The following SNX3 variants were observed in gnomAD, a reference collection of about 807,000 sequenced individuals.
The protein encoded by SNX3 is sorting nexin-3.
Under a neutral mutation model 17.7 loss-of-function variants are expected in SNX3, and 5 were observed. The observed-to-expected ratio is 0.28, with a 90% CI of 0.15 to 0.59. SNX3 has a LOEUF of 0.59. Ranked by LOEUF, SNX3 falls within the 20% of genes least tolerant of loss-of-function variation. SNX3 has a pLI of 0.88. For synonymous variants in SNX3, 91 were observed against 76.5 expected (o/e 1.19, Z -0.99); for missense variants, 132 against 206.8 (o/e 0.64, Z 2.22).
At chr6:108,226,156 C>T (rs1053779506) in intron 1 of SNX3, among the ~76,000 whole-genome samples, 12 of 151,642 alleles carry the variant, frequency 7.9e-5, no homozygotes, top group African/African-American at 2.9e-4. Context: ...GAGGCATGAT[C>T]ATGGCAGGGT....
At chr6:108,260,674 G>T in intron 1 of SNX3, 86 bp downstream of exon 1, 1 of 1,503,234 alleles carries the variant, frequency 6.7e-7, no homozygotes, top group Non-Finnish European at 9.2e-7. Context: ...GGCTGTGGCT[G>T]CCCGCGGGGG....
intron 1 of SNX3, among the ~76,000 whole-genome samples, chr6:108,249,348 G>C (rs1199828001): frequency 6.6e-6 from 1 of 152,150 alleles, no homozygotes; most frequent in Non-Finnish European, 1.5e-5. Flanking sequence ...CTTGAACCTG[G>C]GAAGTGGAGG....
chr6:108,227,659 G>C lies in SNX3; in HGVS notation c.163-4614C>G, dbSNP rs971704900. Among the ~76,000 whole-genome samples, 3 of 152,184 alleles carry C rather than the reference G, an allele frequency of 2.0e-5. No homozygotes were observed. In the South Asian group the frequency reaches 6.2e-4, roughly 32 times the overall value. ...GGTTATGATTTCTCTTTTTGCATGA[G>C]GACTGCTTTAGAGTTTAAAGTCACA... On this transcript the variant is annotated intron_variant, in intron 1 of 3. Coordinates refer to ENST00000230085, the MANE Select transcript of SNX3 (RefSeq NM_003795.6).
chr6:108,255,543 G>T (rs978478364), intron 1 of SNX3, among the ~76,000 whole-genome samples: 1 of 152,040 alleles, frequency 6.6e-6, no homozygotes, highest in East Asian at 1.9e-4. Context: ...GTAGGGACAG[G>T]GTCTCACTGC....
At chr6:108,235,753 G>A (rs1346463565) in intron 1 of SNX3, among the ~76,000 whole-genome samples, 3 of 152,022 alleles carry the variant, frequency 2.0e-5, no homozygotes, top group African/African-American at 4.8e-5. Flanking sequence ...AAAATTAGCC[G>A]GGCATGGTGG....
At chr6:108,247,391 C>T (rs1020984143) in intron 1 of SNX3, among the ~76,000 whole-genome samples, 10 of 151,504 alleles carry the variant, frequency 6.6e-5, no homozygotes, top group Non-Finnish European at 1.3e-4. Flanking sequence ...TGAGTGTGAC[C>T]GGGTCTCACT....
chr6:108,218,595 A>G (rs1562419794), intron 2 of SNX3, among the ~76,000 whole-genome samples: 1 of 152,276 alleles, frequency 6.6e-6, no homozygotes, highest in Non-Finnish European at 1.5e-5. Context: ...TACCAATAAC[A>G]GCCAAAAAGT....
At position 108,245,400 on chromosome 6, in the gene SNX3, T is replaced by C. The variant is rs575599372; in HGVS notation, c.162+15360A>G. Among the ~76,000 whole-genome samples, 13 of 152,328 alleles carry C rather than the reference T, an allele frequency of 8.5e-5. 1 individual carries two copies. The highest frequency in any genetic ancestry group is 2.0e-4 in the Admixed American group (3 of 15,292). On this transcript the variant is annotated intron_variant, in intron 1 of 3. Transcript: ENST00000230085. ...GGTTCCAAGTCTTCGCTATCGTAAA[T>C]AGTGCTGCAATAAACATACGTGTGC...
chr6:108,214,711 C>T (rs1774511014), intron 2 of SNX3, 89 bp from the exon 3 acceptor site: 3 of 1,344,336 alleles, frequency 2.2e-6, no homozygotes, highest in Non-Finnish European at 3.1e-6. Context: ...CATGTCCTCA[C>T]TATGACAGCC....
chr6:108,227,366 G>A (rs928321272), intron 1 of SNX3, among the ~76,000 whole-genome samples: 12 of 152,184 alleles, frequency 7.9e-5, no homozygotes, highest in African/African-American at 2.9e-4. Flanking sequence ...GGGTACGGAA[G>A]TCTATAAAGT....
intron 1 of SNX3, among the ~76,000 whole-genome samples, chr6:108,242,208 A>G (rs1775542873): frequency 6.6e-6 from 1 of 152,180 alleles, no homozygotes; most frequent in African/African-American, 2.4e-5. Context: ...GGATACTAAC[A>G]AGCATATCAA....
Position 108,219,343 on chromosome 6 carries a change from T to C in SNX3, c.258+3607A>G, listed in dbSNP as rs534137979. 1.2e-4 allele frequency among the ~76,000 whole-genome samples: 18 copies of C among 151,230 alleles called. No homozygotes were observed. The East Asian group carries it at 3.3e-3, about 28-fold the overall frequency. ...CTTCTCAGCTAGGTGTGGTGGCTCA[T>C]GCCTGTAATCCCAGCACTTTGGGAG... On this transcript the variant is annotated intron_variant, in intron 2 of 3. Transcript: ENST00000230085.
chr6:108,231,977 T>C (rs1201486745), intron 1 of SNX3, among the ~76,000 whole-genome samples: 1 of 152,226 alleles, frequency 6.6e-6, no homozygotes, highest in Non-Finnish European at 1.5e-5. Flanking sequence ...TTTGTACTCT[T>C]CTGGAGAAAT....
In SNX3 at chr6:108,223,090, A is replaced by G; in HGVS notation, c.163-45T>C. On this transcript the variant is annotated intron_variant, in intron 1 of 3. Coordinates refer to ENST00000230085, the MANE Select transcript of SNX3 (RefSeq NM_003795.6). The stretch of plus-strand genomic sequence containing the variant: ...TCCTAAATTGAAGCACATTAAGGAA[A>G]CTTCAAAAAAATGGGGGGACGGGTA... 3 of 1,055,332 alleles carry G rather than the reference A, an allele frequency of 2.8e-6. No individual in the cohort carries two copies. The South Asian group carries it at 4.1e-5, about 15-fold the overall frequency. 65.4% of individuals were successfully genotyped at this position (1,055,332 alleles called of 1,614,324 possible).
chr6:108,214,204 A>G (rs1028399047), intron 3 of SNX3, among the ~76,000 whole-genome samples: 1 of 152,236 alleles, frequency 6.6e-6, no homozygotes, highest in African/African-American at 2.4e-5. Context: ...AGAAAGAATC[A>G]TAAGTAAAAC....
chr6:108,231,803 GTTAT>G (rs1775168330), intron 1 of SNX3, among the ~76,000 whole-genome samples: 3 of 152,210 alleles, frequency 2.0e-5, no homozygotes, highest in South Asian at 4.1e-4. Context: ...TTTAGGTGAA[GTTAT>G]TTATCTAACT....
intron 1 of SNX3, among the ~76,000 whole-genome samples, chr6:108,253,393 CTTTTTTTTTTT>C (rs369223904): frequency 8.1e-6 from 1 of 123,468 alleles, no homozygotes; most frequent in Non-Finnish European, 1.7e-5. Context: ...ATACATATGT[CTTTTTTTTTTT>C]TTTTTTTTTA....
chr6:108,259,662 ATACT>A (rs778154121), intron 1 of SNX3, among the ~76,000 whole-genome samples: 2 of 152,246 alleles, frequency 1.3e-5, no homozygotes, highest in African/African-American at 2.4e-5. Context: ...TTTTTTAAAA[ATACT>A]TAAGTTTCAC....
chr6:108,250,894 T>C (rs562248655), intron 1 of SNX3, among the ~76,000 whole-genome samples: 1 of 152,308 alleles, frequency 6.6e-6, no homozygotes, highest in African/African-American at 2.4e-5. Context: ...ACAAAGTAAC[T>C]TTACAAAATT....
Sources: gnomAD v4.1 joint callset for allele counts (sites outside exome capture counted in the v4.1 genomes callset) on GRCh38, gnomAD v4.1.1 for gene constraint, MANE v1.5 for transcripts, NCBI Gene and HGNC (gene_info 2026-07-23, HGNC 2026-07-21) for gene names.